CAPN8: variants seen among roughly 807,000 people sequenced by gnomAD.
The protein encoded by CAPN8 is calpain-8.
CAPN8 carries 87 observed loss-of-function variants against 80.9 expected under a neutral mutation model. The ratio of observed to expected loss-of-function variants is 1.07; its 90% CI spans 0.90 to 1.28. The LOEUF is 1.28. Among genes scored for constraint, CAPN8 ranks in the 50% most tolerant of loss-of-function variants. The probability of loss-of-function intolerance (pLI) is 0.00; values close to 1 mark genes in which losing one functional copy is unlikely to be tolerated. For missense variants in CAPN8, 757 were observed against 702.0 expected, an observed-to-expected ratio of 1.08 and a Z score of -0.89; for synonymous variants, 299 against 273.8, an observed-to-expected ratio of 1.09 and a Z score of -0.91.
chr1:223,648,016 C>A (rs1459874708), intron 2 of CAPN8, among the ~76,000 whole-genome samples: 1 of 152,168 alleles, frequency 6.6e-6, no homozygotes, highest in Non-Finnish European at 1.5e-5. Context: ...GAACTCTCCA[C>A]GCAAAGCAGA....
Position 223,656,686 on chromosome 1 carries a change from T to TTG in CAPN8, c.238-2288_238-2287insCA, listed in dbSNP as rs1553340194. On this transcript the variant is annotated intron_variant, in intron 1 of 20. Coordinates refer to ENST00000366872, the MANE Select transcript of CAPN8 (RefSeq NM_001143962.2). The stretch of plus-strand genomic sequence containing the variant: ...GTTTTGGGTTTTTTTGTTTTGTTTT[T>TTG]TTTTTTTTTTTTTTTGAGACGGGGT... Among the ~76,000 whole-genome samples, 563 of 132,798 alleles carry TTG rather than the reference T, an allele frequency of 4.2e-3. 16 individuals are homozygous for TTG. The highest frequency in any genetic ancestry group is 0.014 in the African/African-American group (498 of 35,624). The allele number at this position is 132,798 out of a possible 152,430, so 87.1% of individuals were successfully genotyped here.
rs76310648 is a variant in CAPN8, at chr1:223,630,632, G to T, written c.308-1852C>A. On this transcript the variant is annotated intron_variant, in intron 2 of 20. Transcript: ENST00000366872. The stretch of plus-strand genomic sequence containing the variant: ...ATTACAGGTGTAAGCCACCATGCCT[G>T]GCCATATTACTTTTTGAAGAGCTTT... Among the ~76,000 whole-genome samples the T allele has an allele frequency of 6.0e-3, 913 of 152,176 alleles. 4 individuals carry two copies. The highest frequency in any genetic ancestry group is 9.2e-3 in the Non-Finnish European group (626 of 68,000).
intron 2 of CAPN8, among the ~76,000 whole-genome samples, chr1:223,634,108 G>A (rs975734814): frequency 2.6e-5 from 4 of 152,198 alleles, no homozygotes; most frequent in Non-Finnish European, 2.9e-5. Context: ...TTACACAGAA[G>A]ATGAGAGACA....
At chr1:223,632,959 A>C (rs1436761121) in intron 2 of CAPN8, among the ~76,000 whole-genome samples, 2 of 152,206 alleles carry the variant, frequency 1.3e-5, no homozygotes, top group Non-Finnish European at 2.9e-5. Context: ...TGGAAAGTCC[A>C]CACTGTGCTT....
intron 2 of CAPN8, among the ~76,000 whole-genome samples, chr1:223,650,226 AG>A (rs1412870717): frequency 6.6e-6 from 1 of 152,144 alleles, no homozygotes; most frequent in Non-Finnish European, 1.5e-5. Flanking sequence ...GGGAGAGTGC[AG>A]GCTGGGCCAG....
intron 2 of CAPN8, among the ~76,000 whole-genome samples, chr1:223,652,880 T>C (rs558698295): frequency 7.8e-4 from 119 of 152,236 alleles, no homozygotes; most frequent in African/African-American, 2.6e-3. Context: ...TCCAGCCTCC[T>C]TCTCCATTGG....
intron 14 of CAPN8, among the ~76,000 whole-genome samples, chr1:223,553,081 G>A (rs1464386251): frequency 7.1e-6 from 1 of 141,160 alleles, no homozygotes; most frequent in African/African-American, 2.8e-5. Context: ...GAGTTTCCCG[G>A]GGTGGTGGGG....
At chr1:223,650,946 C>T (rs6701150) in intron 2 of CAPN8, among the ~76,000 whole-genome samples, 26,972 of 152,144 alleles carry the variant, frequency 0.18, 2,989 homozygotes, top group East Asian at 0.29. Context: ...TGTGCTGGAA[C>T]GAGCAGTGGA....
chr1:223,656,472 CAACAAAAAT>C (rs1658493053), intron 1 of CAPN8, among the ~76,000 whole-genome samples: 1 of 151,862 alleles, frequency 6.6e-6, no homozygotes, highest in Non-Finnish European at 1.5e-5. Context: ...AAAACAACAA[CAACAAAAAT>C]TTATTTACCT....
intron 1 of CAPN8, among the ~76,000 whole-genome samples, chr1:223,662,043 G>A (rs2102741844): frequency 6.6e-6 from 1 of 152,322 alleles, no homozygotes; most frequent in African/African-American, 2.4e-5. Flanking sequence ...AGGATATTAT[G>A]CTAAGTGAGT....
intron 9 of CAPN8, 34 bp from the exon 10 acceptor site, chr1:223,616,179 G>T: frequency 6.5e-7 from 1 of 1,531,570 alleles, no homozygotes; most frequent in East Asian, 2.5e-5. Flanking sequence ...GGTTCCCCAC[G>T]TAGCGGGTGA....
At position 223,649,422 on chromosome 1, in the gene CAPN8, C is replaced by A. The variant is rs115703203; in HGVS notation, c.307+4908G>T. ...TGCAGTGAGCACTGTGTTCCTTTTT[C>A]CACAGCCACCAGCAGGGGCTAGGGA... On this transcript the variant is annotated intron_variant, in intron 2 of 20. Transcript: ENST00000366872. Among the ~76,000 whole-genome samples, 469 of 152,266 alleles carry A rather than the reference C, an allele frequency of 3.1e-3. 2 individuals are homozygous for A. Among genetic ancestry groups the A allele is most frequent in the Middle Eastern group, 0.014 (4 of 294 alleles).
intron 2 of CAPN8, among the ~76,000 whole-genome samples, chr1:223,640,364 T>G (rs567452777): frequency 3.9e-5 from 6 of 152,284 alleles, no homozygotes; most frequent in Admixed American, 3.9e-4. Flanking sequence ...AATCAACAAA[T>G]GTTTATTGAG....
chr1:223,625,878 G>A lies in CAPN8; in HGVS notation c.740C>T (p.Ala247Val), dbSNP rs1558346195. The part of the protein sequence containing the change: ...LLGCSIDVSS[A>V]AEAEAITSQK... ...GCTGGTGATGGCTTCGGCTTCGGCT[G>A]CACTGGAGACCTGCGTAGAGAAGAA... Residue 247 changes from alanine (A) to valine (V), a missense_variant, in exon 6 of 21, where the codon GCA (alanine) becomes GTA (valine). Ala to Val is a moderately conservative substitution (Grantham distance 64, BLOSUM62 0). Coordinates refer to ENST00000366872, the MANE Select transcript of CAPN8 (RefSeq NM_001143962.2). The A allele has an allele frequency of 5.2e-6, 8 of 1,551,198 alleles. No individual in the cohort carries two copies. Among genetic ancestry groups the A allele is most frequent in the Non-Finnish European group, 7.0e-6 (8 of 1,146,656 alleles).
chr1:223,621,699 G>A (rs540977544), intron 7 of CAPN8, among the ~76,000 whole-genome samples: 95 of 152,198 alleles, frequency 6.2e-4, no homozygotes, highest in African/African-American at 2.2e-3. Context: ...GTCATGACAT[G>A]AGCAGTCATG....
At chr1:223,618,102 C>T (rs34893034) in intron 9 of CAPN8, 165,296 of 876,606 alleles carry the variant, frequency 0.19, 16,595 homozygotes, top group Middle Eastern at 0.21. Flanking sequence ...CTGCCCCATG[C>T]GCTTACAGTC....
chr1:223,635,279 G>A (rs993177662), intron 2 of CAPN8, among the ~76,000 whole-genome samples: 2 of 152,054 alleles, frequency 1.3e-5, no homozygotes, highest in Non-Finnish European at 2.9e-5. Flanking sequence ...TGGTGAACAC[G>A]CCTTTTGAAG....
intron 12 of CAPN8, among the ~76,000 whole-genome samples, chr1:223,558,760 G>A (rs1320631368): frequency 2.6e-5 from 4 of 151,232 alleles, no homozygotes; most frequent in Non-Finnish European, 5.9e-5. Context: ...CACATATGGT[G>A]TGTGGTGTGT....
intron 13 of CAPN8, among the ~76,000 whole-genome samples, chr1:223,554,654 G>A (rs1656866447): frequency 6.6e-6 from 1 of 152,090 alleles, no homozygotes; most frequent in Non-Finnish European, 1.5e-5. Flanking sequence ...CAAAAGTGTT[G>A]AGAACATGGC....
Sources: allele counts gnomAD v4.1 joint callset (sites outside exome capture counted in the v4.1 genomes callset), GRCh38; gene constraint gnomAD v4.1.1; transcripts MANE v1.5; gene names NCBI Gene and HGNC (gene_info 2026-07-23, HGNC 2026-07-21).